NDUFAF1: variants seen among roughly 807,000 people sequenced by gnomAD.
NDUFAF1 encodes the protein complex I intermediate-associated protein 30, mitochondrial.
Under a neutral mutation model 28.7 loss-of-function variants are expected in NDUFAF1, and 18 were observed. The observed-to-expected ratio is 0.63, with a 90% CI of 0.43 to 0.93. The LOEUF (loss-of-function observed/expected upper bound fraction) is 0.93. NDUFAF1 is among the 40% of genes least tolerant of loss of function. The probability of loss-of-function intolerance (pLI) is 0.00; values close to 1 mark genes in which losing one functional copy is unlikely to be tolerated. For missense variants in NDUFAF1, 404 were observed against 398.3 expected (o/e 1.01, Z -0.12); for synonymous variants, 113 against 139.7 (o/e 0.81, Z 1.35).
chr15:41,387,475 G>T lies in NDUFAF1; in HGVS notation c.953C>A (p.Ser318Tyr). The change falls in exon 5 of 5, where the codon TCT becomes TAT. Residue 318 changes from serine (S) to tyrosine (Y), a missense_variant. By Grantham distance (144) the Ser-to-Tyr change is moderately radical (BLOSUM62 -2). Transcript: ENST00000260361. ...AHTEEFAYEN[S>Y]PELNPRLFK ...AAAAAGCCTTGGGTTAAGCTCTGGA[G>T]AATTTTCATAGGCAAATTCTTCTGT... The T allele has an allele frequency of 1.2e-6, 2 of 1,613,864 alleles. No individual in the cohort carries two copies. Among genetic ancestry groups the T allele is most frequent in the Non-Finnish European group, 1.7e-6 (2 of 1,179,786 alleles).
chr15:41,397,004 T>A lies in NDUFAF1; in HGVS notation c.56A>T (p.Lys19Met). The change falls in exon 2 of 5, where the codon AAG (lysine) becomes ATG (methionine). Residue 19 changes from lysine (K) to methionine (M), a missense_variant. Lys to Met is a moderately conservative substitution (Grantham distance 95). Coordinates refer to ENST00000260361, the MANE Select transcript of NDUFAF1 (RefSeq NM_016013.4). ...AAATGGATACAAGGCAGAAGTTGGC[T>A]TAGAGAATTTTCTGAGAAAATAAGT... is the stretch of plus-strand genomic sequence containing the variant. Reference protein sequence around the residue: ...RGTYFLRKFSKPTSALYPFLG... With the variant: ...RGTYFLRKFSMPTSALYPFLG... 6.2e-7 allele frequency: 1 copy of A among 1,612,714 alleles called. No homozygotes were observed. Among genetic ancestry groups the A allele is most frequent in the Non-Finnish European group, 8.5e-7 (1 of 1,179,520 alleles).
chr15:41,398,144 G>A (rs1454915101), intron 1 of NDUFAF1, among the ~76,000 whole-genome samples: 2 of 151,616 alleles, frequency 1.3e-5, no homozygotes, highest in African/African-American at 4.8e-5. Context: ...AAAGTGCTGG[G>A]CTGTAGGAAT....
At chr15:41,398,724 GTGGA>G (rs1409545189) in intron 1 of NDUFAF1, among the ~76,000 whole-genome samples, 1 of 152,068 alleles carries the variant, frequency 6.6e-6, no homozygotes, top group Non-Finnish European at 1.5e-5. Flanking sequence ...GGAGTCCAAG[GTGGA>G]CGGATCACTT....
chr15:41,398,023 C>CAAAA (rs1217218175), intron 1 of NDUFAF1, among the ~76,000 whole-genome samples: 5 of 56,904 alleles, frequency 8.8e-5, no homozygotes, highest in East Asian at 6.7e-4. Context: ...GACTCTGTCT[C>CAAAA]AAAAAAAAAA....
upstream of NDUFAF1, among the ~76,000 whole-genome samples, chr15:41,402,756 G>C (rs1180259782): frequency 7.0e-6 from 1 of 142,500 alleles, no homozygotes; most frequent in African/African-American, 2.7e-5. Context: ...TTTTGAGACG[G>C]ATTCTCGCTC....
In NDUFAF1 at chr15:41,396,549, CCTCAGAG is replaced by C. The variant is rs762552143; in HGVS notation, c.504_510del (p.Ser168ArgfsTer16). 1.2e-6 allele frequency: 2 copies of C among 1,614,152 alleles called. No individual in the cohort carries two copies. The highest frequency in any genetic ancestry group is 1.1e-5 in the South Asian group (1 of 91,084). On this transcript the variant is annotated frameshift_variant, in exon 2 of 5. Coordinates refer to ENST00000260361, the MANE Select transcript of NDUFAF1 (RefSeq NM_016013.4). LOFTEE classifies it high-confidence loss of function. ...CGGGTAGACTCCCCGTCCTGAGGCGCCTCAGAGCTCAGAGTTCCATATAGCAGTGCAC... is the reference window on the plus strand; with the variant it reads ...CGGGTAGACTCCCCGTCCTGAGGCGCCTCAGAGTTCCATATAGCAGTGCAC...
chr15:41,389,041 T>C (rs2050286925), intron 3 of NDUFAF1, among the ~76,000 whole-genome samples: 1 of 152,124 alleles, frequency 6.6e-6, no homozygotes, highest in African/African-American at 2.4e-5. Context: ...TGTAATTTAC[T>C]TATTATTAAG....
At position 41,395,659 on chromosome 15, in the gene NDUFAF1, T is replaced by C. The variant is rs545817953; in HGVS notation, c.574-615A>G. ...TGTGGGGATTACAGGCATGAGCCAC[T>C]GCGCCCGGCCTTTTTTTTTTTTTTT... On this transcript the variant is annotated intron_variant, in intron 2 of 4. Coordinates refer to ENST00000260361, the MANE Select transcript of NDUFAF1 (RefSeq NM_016013.4). Among the ~76,000 whole-genome samples, 189 of 140,566 alleles carry C rather than the reference T, an allele frequency of 1.3e-3. 1 individual carries two copies. The South Asian group carries it at 0.03, about 23-fold the overall frequency. The allele number at this position is 140,566 out of a possible 152,430, so 92.2% of individuals were successfully genotyped here.
At chr15:41,399,140 C>G (rs2050429147) in intron 1 of NDUFAF1, among the ~76,000 whole-genome samples, 1 of 152,090 alleles carries the variant, frequency 6.6e-6, no homozygotes, top group Non-Finnish European at 1.5e-5. Flanking sequence ...GTGGCTCATG[C>G]CTGTAATCCC....
At chr15:41,387,679 T>C in intron 4 of NDUFAF1, 86 bp from the exon 5 acceptor site, 1 of 1,138,536 alleles carries the variant, frequency 8.8e-7, no homozygotes, top group Non-Finnish European at 1.3e-6. Context: ...CATCAGGTGA[T>C]GATTATAACT....
At chr15:41,395,773 C>G (rs2050379074) in intron 2 of NDUFAF1, among the ~76,000 whole-genome samples, 2 of 146,112 alleles carry the variant, frequency 1.4e-5, no homozygotes, top group South Asian at 4.5e-4. Flanking sequence ...CTCCAGAGTT[C>G]AAGCAATTCT....
At position 41,396,603 on chromosome 15, in the gene NDUFAF1, T is replaced by C. The variant is rs571701028; in HGVS notation, c.457A>G (p.Lys153Glu). ...GCACTTTGGTTATTCTTGCCCATTT[T>C]CAAAAACACTTCACTTCTGCCTCCA... The part of the protein sequence containing the change: ...TIGGRSEVFL[K>E]MGKNNQSALL... The change falls in exon 2 of 5, where the codon AAA becomes GAA. Residue 153 changes from lysine (K) to glutamate (E), a missense_variant. Coordinates refer to ENST00000260361, the MANE Select transcript of NDUFAF1 (RefSeq NM_016013.4). 21 of 1,613,978 alleles carry C rather than the reference T, an allele frequency of 1.3e-5. No homozygotes were observed. The Admixed American group carries it at 2.2e-4, about 17-fold the overall frequency.
chr15:41,392,715 C>A (rs1229447376), intron 3 of NDUFAF1, among the ~76,000 whole-genome samples: 2 of 152,134 alleles, frequency 1.3e-5, no homozygotes, highest in African/African-American at 4.8e-5. Flanking sequence ...GTCAATTAAA[C>A]CTCTTTCCTT....
intron 1 of NDUFAF1, among the ~76,000 whole-genome samples, chr15:41,399,855 CAAAAAAAAAAA>C (rs35139337): frequency 2.6e-4 from 11 of 42,038 alleles, no homozygotes; most frequent in South Asian, 9.9e-4. Flanking sequence ...GACTCCTTCT[CAAAAAAAAAAA>C]AAAAAAAAAA....
intron 4 of NDUFAF1, among the ~76,000 whole-genome samples, chr15:41,388,216 A>T (rs574982369): frequency 6.6e-6 from 1 of 152,300 alleles, no homozygotes; most frequent in Non-Finnish European, 1.5e-5. Flanking sequence ...GGAGGGGGGA[A>T]AATAGCTAAA....
chr15:41,391,321 G>T (rs981910455), intron 3 of NDUFAF1, among the ~76,000 whole-genome samples: 1 of 151,934 alleles, frequency 6.6e-6, no homozygotes, highest in Non-Finnish European at 1.5e-5. Flanking sequence ...TGCTCTCACA[G>T]AATTTACAGA....
rs376878625 is a variant in NDUFAF1, at chr15:41,394,771, G to A, written c.759+88C>T. On this transcript the variant is annotated intron_variant, in intron 3 of 4. Coordinates refer to ENST00000260361, the MANE Select transcript of NDUFAF1 (RefSeq NM_016013.4). ...GACCTCAGGTGATCCACCCACCTCG[G>A]CCTCCCAAATTGCTGGGATTATAGG... The A allele has an allele frequency of 4.4e-5, 62 of 1,408,628 alleles. No homozygotes were observed. In the Middle Eastern group the frequency reaches 1.1e-3, roughly 25 times the overall value. 87.3% of individuals were successfully genotyped at this position (1,408,628 alleles called of 1,614,324 possible).
chr15:41,388,669 A>T, intron 3 of NDUFAF1, 147 bp from the exon 4 acceptor site: 2 of 644,604 alleles, frequency 3.1e-6, no homozygotes, highest in Non-Finnish European at 5.5e-6. Context: ...TGGATCAAAG[A>T]TATAACTCAG....
intron 3 of NDUFAF1, chr15:41,394,177 C>A (rs775019783): frequency 6.7e-6 from 3 of 450,912 alleles, no homozygotes; most frequent in Non-Finnish European, 1.3e-5. Context: ...TACAGGCATG[C>A]GCCACCACGC....
Sources: gnomAD v4.1 joint callset for allele counts (sites outside exome capture counted in the v4.1 genomes callset) on GRCh38, gnomAD v4.1.1 for gene constraint, MANE v1.5 for transcripts, NCBI Gene and HGNC (gene_info 2026-07-23, HGNC 2026-07-21) for gene names.